MINAR1: variants seen among roughly 807,000 people sequenced by gnomAD.
MINAR1 encodes membrane integral NOTCH2 associated receptor 1.
In MINAR1, 40 loss-of-function variants were observed where a neutral mutation model predicts 65.1. The observed-to-expected ratio is 0.61, with a 90% CI of 0.48 to 0.80. The LOEUF (loss-of-function observed/expected upper bound fraction) is 0.80. MINAR1 is among the 30% of genes least tolerant of loss of function. MINAR1 has a pLI of 0.00. For missense variants in MINAR1, 1,128 were observed against 1,148.0 expected, an observed-to-expected ratio of 0.98 and a Z score of 0.25; for synonymous variants, 482 against 449.1, an observed-to-expected ratio of 1.07 and a Z score of -0.93.
intron 1 of MINAR1, among the ~76,000 whole-genome samples, chr15:79,452,112 A>C (rs1292518741): frequency 1.3e-5 from 2 of 151,874 alleles, no homozygotes; most frequent in Non-Finnish European, 2.9e-5. Flanking sequence ...ACTTGTGTGA[A>C]TTGTGTGTAC....
intron 1 of MINAR1, among the ~76,000 whole-genome samples, chr15:79,443,909 C>T (rs1304577472): frequency 6.6e-6 from 1 of 152,172 alleles, no homozygotes; most frequent in Non-Finnish European, 1.5e-5. Context: ...TATTCATCCC[C>T]ACCAGTAGCA....
chr15:79,423,954 T>G, the MINAR1 span: 1 of 152,244 alleles, frequency 6.6e-6, no homozygotes, highest in Non-Finnish European at 1.5e-5. Flanking sequence ...CCTGACATAT[T>G]GGTAGCACTG....
At position 79,452,932 on chromosome 15, in the gene MINAR1, T is replaced by G. The variant is rs145273501; in HGVS notation, c.-50-3166T>G. ...ATCTGAGTGAAGCTATGTGAATGTG[T>G]CTGCGTGTGAGTGTATGGGTGAGTC... On this transcript the variant is annotated intron_variant, in intron 1 of 3. Coordinates refer to ENST00000305428, the MANE Select transcript of MINAR1 (RefSeq NM_015206.3). Among the ~76,000 whole-genome samples the G allele has an allele frequency of 9.9e-5, 15 of 151,066 alleles. No homozygotes were observed. The East Asian group carries it at 3.0e-3, about 30-fold the overall frequency.
At chr15:79,450,535 TA>T (rs201886091) in intron 1 of MINAR1, among the ~76,000 whole-genome samples, 8,020 of 142,470 alleles carry the variant, frequency 0.056, 441 homozygotes, top group East Asian at 0.31. Flanking sequence ...GTCTTCCTAT[TA>T]AAAAAAAAAA....
At chr15:79,452,436 CTG>C (rs367551688) in intron 1 of MINAR1, among the ~76,000 whole-genome samples, 2 of 149,886 alleles carry the variant, frequency 1.3e-5, no homozygotes, top group African/African-American at 4.9e-5. Context: ...GTGGGTGAGT[CTG>C]TGTGAGTGTG....
At chr15:79,428,087 A>G (rs1894352023), upstream of MINAR1, among the ~76,000 whole-genome samples, 1 of 152,120 alleles carries the variant, frequency 6.6e-6, no homozygotes, top group Non-Finnish European at 1.5e-5. Flanking sequence ...CCCGTGCCCA[A>G]TTCCTTGTTC....
chr15:79,465,572 C>T (rs945885811), intron 3 of MINAR1, among the ~76,000 whole-genome samples: 2 of 151,994 alleles, frequency 1.3e-5, no homozygotes, highest in African/African-American at 4.8e-5. Flanking sequence ...AATCCCAGCC[C>T]GTAATAGTGT....
rs377134557 is a variant in MINAR1, at chr15:79,468,388, A to G, written c.*4A>G. ...CATCTGCACAATGAAATCATGAGCT[A>G]AGAATGCAACCTTACGTACAGCTTA... On this transcript the variant is annotated 3_prime_UTR_variant, in exon 4 of 4. Coordinates refer to ENST00000305428, the MANE Select transcript of MINAR1 (RefSeq NM_015206.3). 57 of 1,613,424 alleles carry G rather than the reference A, an allele frequency of 3.5e-5. No homozygotes were observed. In the African/African-American group the frequency reaches 6.8e-4, roughly 19 times the overall value.
At chr15:79,411,442 G>A in the MINAR1 span, 11 of 702,542 alleles carry the variant, frequency 1.6e-5, no homozygotes, top group African/African-American at 3.5e-5. Context: ...CAAGATGGTC[G>A]ACTATATGCA....
At chr15:79,468,070 A>G in intron 3 of MINAR1, 117 bp from the exon 4 acceptor site, 1 of 755,590 alleles carries the variant, frequency 1.3e-6, no homozygotes, top group Non-Finnish European at 2.2e-6. Context: ...TATGCAATAC[A>G]GTCTCTAACT....
chr15:79,456,883 G>C lies in MINAR1; in HGVS notation c.736G>C (p.Glu246Gln). The C allele has an allele frequency of 6.2e-7, 1 of 1,614,068 alleles. No individual in the cohort carries two copies. The highest frequency in any genetic ancestry group is 8.5e-7 in the Non-Finnish European group (1 of 1,180,012). ...SIKETFISNE[E>Q]PFVVQSCVQK... ...CAAGGAGACCTTCATTTCCAATGAGGAGCCATTTGTGGTCCAGTCCTGTGT... is the reference window on the plus strand; with the variant it reads ...CAAGGAGACCTTCATTTCCAATGAGCAGCCATTTGTGGTCCAGTCCTGTGT... Residue 246 changes from glutamate to glutamine, a missense_variant, in exon 2 of 4, where the codon GAG (glutamate) becomes CAG (glutamine). Physicochemically the swap from Glu to Gln is conservative, Grantham distance 29 (BLOSUM62 2). Transcript: ENST00000305428.
At chr15:79,423,318 AT>A in the MINAR1 span, 2 of 152,256 alleles carry the variant, frequency 1.3e-5, no homozygotes, top group African/African-American at 4.8e-5. Flanking sequence ...GTATAAAAAA[AT>A]AACAGACTAT....
chr15:79,436,675 C>A (rs541181459), intron 1 of MINAR1, among the ~76,000 whole-genome samples: 1 of 152,322 alleles, frequency 6.6e-6, no homozygotes, highest in East Asian at 1.9e-4. Context: ...TAGAGAACTA[C>A]CTGCTCAATA....
At chr15:79,422,101 A>G in the MINAR1 span, 1 of 152,284 alleles carries the variant, frequency 6.6e-6, no homozygotes, top group Non-Finnish European at 1.5e-5. Flanking sequence ...GTCTCACCTC[A>G]TATGACCTTG....
intron 1 of MINAR1, among the ~76,000 whole-genome samples, chr15:79,455,816 C>G (rs970408572): frequency 6.6e-6 from 1 of 152,084 alleles, no homozygotes; most frequent in African/African-American, 2.4e-5. Context: ...TTTATGTATT[C>G]TCCTATTTGG....
At chr15:79,443,215 C>T (rs1458319047) in intron 1 of MINAR1, among the ~76,000 whole-genome samples, 1 of 152,206 alleles carries the variant, frequency 6.6e-6, no homozygotes, top group Admixed American at 6.5e-5. Context: ...GAGGTGACCC[C>T]TGATTCCCAC....
At chr15:79,442,368 GC>G (rs1374001528) in intron 1 of MINAR1, among the ~76,000 whole-genome samples, 3 of 151,710 alleles carry the variant, frequency 2.0e-5, no homozygotes, top group Admixed American at 2.0e-4. Flanking sequence ...GAGTTGAAAG[GC>G]CACCTTTAAA....
At position 79,456,644 on chromosome 15, in the gene MINAR1, G is replaced by C. The variant is rs372146268; in HGVS notation, c.497G>C (p.Cys166Ser). 6.2e-7 allele frequency: 1 copy of C among 1,614,068 alleles called. No individual in the cohort carries two copies. The highest frequency in any genetic ancestry group is 8.5e-7 in the Non-Finnish European group (1 of 1,180,038). The stretch of plus-strand genomic sequence containing the variant: ...TGCCGGAAGATGGACTGCAAGGACT[G>C]CCCACAGTTTGTCCCTGCCTCTGAG... ...SKCRKMDCKDCPQFVPASEPN... is the reference protein window; with the variant it reads ...SKCRKMDCKDSPQFVPASEPN... The change falls in exon 2 of 4, where the codon TGC (cysteine) becomes TCC (serine). Residue 166 changes from cysteine (C) to serine (S), a missense_variant. Transcript: ENST00000305428.
Position 79,470,112 on chromosome 15 carries a change from T to C in MINAR1, c.*1728T>C, listed in dbSNP as rs1284372413. ...GTATTATCATGTTTATGTATGGATT[T>C]TCAATTTCAGTAACCGAAAACTTAA... On this transcript the variant is annotated 3_prime_UTR_variant, in exon 4 of 4. Transcript: ENST00000305428. The C allele has an allele frequency of 6.6e-6, 1 of 152,558 alleles. No individual in the cohort carries two copies. Among genetic ancestry groups the C allele is most frequent in the Non-Finnish European group, 1.5e-5 (1 of 68,024 alleles). 9.5% of individuals were successfully genotyped at this position (152,558 alleles called of 1,614,324 possible).
Sources: allele counts gnomAD v4.1 joint callset (sites outside exome capture counted in the v4.1 genomes callset), GRCh38; gene constraint gnomAD v4.1.1; transcripts MANE v1.5; gene names NCBI Gene and HGNC (gene_info 2026-07-23, HGNC 2026-07-21).